CFAP46: variants seen among roughly 807,000 people sequenced by gnomAD.
The protein encoded by CFAP46 is cilia and flagella associated protein 46.
In CFAP46, 245 loss-of-function variants were observed where a neutral mutation model predicts 325.7. That is an observed-to-expected ratio of 0.75 (90% CI 0.68 to 0.84). The LOEUF (loss-of-function observed/expected upper bound fraction) is 0.84. Among genes scored for constraint, CFAP46 ranks in the 40% least tolerant of loss-of-function variants. The pLI is 0.00. For synonymous variants in CFAP46, 1,523 were observed against 1,495.9 expected (o/e 1.02, Z -0.42); for missense variants, 3,346 against 3,543.0 (o/e 0.94, Z 1.41).
intron 50 of CFAP46, among the ~76,000 whole-genome samples, chr10:132,824,718 T>TGCTGATGTGTGC: frequency 2.8e-5 from 1 of 35,652 alleles, no homozygotes; most frequent in African/African-American, 1.7e-4. Flanking sequence ...GCTGTGTGTG[T>TGCTGATGTGTGC]ACTGATGTGT....
chr10:132,857,470 T>C (rs974679045), intron 39 of CFAP46, 120 bp downstream of exon 39: 1 of 952,156 alleles, frequency 1.1e-6, no homozygotes. Flanking sequence ...GAGTATCTGA[T>C]CCCTGTTATT....
intron 36 of CFAP46, 116 bp downstream of exon 36, chr10:132,860,666 T>G (rs1848708726): frequency 1.6e-6 from 2 of 1,262,854 alleles, no homozygotes; most frequent in African/African-American, 3.0e-5. Flanking sequence ...GGGGCAGGGA[T>G]GGATCCAGGC....
chr10:132,851,819 G>A (rs538969735), intron 39 of CFAP46, among the ~76,000 whole-genome samples: 1 of 152,242 alleles, frequency 6.6e-6, no homozygotes, highest in Non-Finnish European at 1.5e-5. Flanking sequence ...CATGTGCAAG[G>A]TATCCACAGA....
chr10:132,866,311 C>T lies in CFAP46; in HGVS notation c.4744-140G>A, dbSNP rs1213535682. ...CAAGGGCTCCCTGCTGGCCTAGGCACCATGGGCGCCTCGCAAGCTCCCCGT... is the reference window on the plus strand; with the variant it reads ...CAAGGGCTCCCTGCTGGCCTAGGCATCATGGGCGCCTCGCAAGCTCCCCGT... On this transcript the variant is annotated intron_variant, in intron 34 of 57. Transcript: ENST00000368586. 7 of 922,066 alleles carry T rather than the reference C, an allele frequency of 7.6e-6. No individual in the cohort carries two copies. In the East Asian group the frequency reaches 1.6e-4, roughly 21 times the overall value. 57.1% of individuals were successfully genotyped at this position (922,066 alleles called of 1,614,324 possible).
intron 27 of CFAP46, among the ~76,000 whole-genome samples, chr10:132,881,500 C>T (rs1231981814): frequency 6.6e-6 from 1 of 152,340 alleles, no homozygotes; most frequent in East Asian, 1.9e-4. Flanking sequence ...AGAGCCCAGT[C>T]CAAGGCCTGG....
chr10:132,941,447 G>C, intron 3 of CFAP46, 144 bp downstream of exon 3: 1 of 1,122,280 alleles, frequency 8.9e-7, no homozygotes, highest in South Asian at 1.6e-5. Context: ...ACAGGAAATG[G>C]TGCAAGTTTC....
At chr10:132,839,362 G>A (rs1848315361) in intron 44 of CFAP46, among the ~76,000 whole-genome samples, 1 of 152,204 alleles carries the variant, frequency 6.6e-6, no homozygotes, top group Non-Finnish European at 1.5e-5. Context: ...TAGCTCAGGG[G>A]AACCAGGCTA....
intron 45 of CFAP46, among the ~76,000 whole-genome samples, chr10:132,836,491 C>G (rs1848249824): frequency 6.6e-6 from 1 of 152,244 alleles, no homozygotes; most frequent in African/African-American, 2.4e-5. Context: ...CGGCTGGCTC[C>G]AGGCCAGTGG....
chr10:132,853,703 C>T (rs1056605811), intron 39 of CFAP46, among the ~76,000 whole-genome samples: 5 of 149,540 alleles, frequency 3.3e-5, no homozygotes, highest in African/African-American at 1.0e-4. Flanking sequence ...ATATATAGGG[C>T]TACTCAGGCT....
chr10:132,858,671 G>A (rs1362958965), intron 38 of CFAP46, among the ~76,000 whole-genome samples: 3 of 152,162 alleles, frequency 2.0e-5, no homozygotes, highest in Non-Finnish European at 2.9e-5. Flanking sequence ...GGCTGTGCTC[G>A]GGATGTGCAC....
chr10:132,892,260 C>A, intron 25 of CFAP46, 73 bp downstream of exon 25: 1 of 1,381,520 alleles, frequency 7.2e-7, no homozygotes, highest in Non-Finnish European at 1.0e-6. Context: ...AAAAGCACCA[C>A]GTTTAAAATT....
At chr10:132,892,304 C>T in intron 25 of CFAP46, 29 bp downstream of exon 25, 4 of 1,544,638 alleles carry the variant, frequency 2.6e-6, no homozygotes, top group South Asian at 2.4e-5. Context: ...GTACCTGGAG[C>T]CTGTGGGTCT....
At chr10:132,929,391 C>T in intron 9 of CFAP46, 7 of 661,318 alleles carry the variant, frequency 1.1e-5, no homozygotes, top group Non-Finnish European at 2.0e-5. Flanking sequence ...AATAATGGGA[C>T]TGGTGGAGGA....
intron 2 of CFAP46, 99 bp from the exon 3 acceptor site, chr10:132,941,821 A>G: frequency 6.4e-7 from 1 of 1,562,080 alleles, no homozygotes; most frequent in Non-Finnish European, 8.7e-7. Context: ...CCCCCAGCAC[A>G]GGTGGAGCCT....
intron 22 of CFAP46, 94 bp from the exon 23 acceptor site, chr10:132,899,760 G>A: frequency 7.2e-7 from 1 of 1,383,096 alleles, no homozygotes; most frequent in Non-Finnish European, 9.6e-7. Flanking sequence ...GACTACACAG[G>A]TGGTATTCTA....
In CFAP46 at chr10:132,843,535, A is replaced by G. The variant is rs1295368112; in HGVS notation, c.6438+2522T>C. ...CTGGTGGGCGTTCCCAGGGTGCTGT[A>G]AGGCTCTGGTCTCGGTGGGTGTTCC... On this transcript the variant is annotated intron_variant, in intron 44 of 57. Coordinates refer to ENST00000368586, the MANE Select transcript of CFAP46 (RefSeq NM_001200049.3). Among the ~76,000 whole-genome samples the G allele has an allele frequency of 4.9e-4, 44 of 89,012 alleles. 1 individual carries two copies. The highest frequency in any genetic ancestry group is 1.2e-3 in the African/African-American group (28 of 22,422). The allele number at this position is 89,012 out of a possible 152,430, so 58.4% of individuals were successfully genotyped here.
At position 132,866,152 on chromosome 10, in the gene CFAP46, TC is replaced by T. The variant is rs1433627731; in HGVS notation, c.4762del (p.Glu1588ArgfsTer17). ...CGTCCCATCCAGGTCCCTCCCGGTC[TC>T]CCCATTCATCTTCAAAATCTGTAAG... ...AKDKILKMNG[E>X]TGRDLDGTSF... On this transcript the variant is annotated frameshift_variant, in exon 35 of 58. Coordinates refer to ENST00000368586, the MANE Select transcript of CFAP46 (RefSeq NM_001200049.3). LOFTEE classifies it high-confidence loss of function. 43 of 1,528,780 alleles carry T rather than the reference TC, an allele frequency of 2.8e-5. No homozygotes were observed. Among genetic ancestry groups the T allele is most frequent in the Non-Finnish European group, 3.6e-5 (41 of 1,137,518 alleles). 94.7% of individuals were successfully genotyped at this position (1,528,780 alleles called of 1,614,324 possible).
At chr10:132,892,548 G>A (rs1849268093) in intron 24 of CFAP46, 131 bp from the exon 25 acceptor site, 2 of 769,464 alleles carry the variant, frequency 2.6e-6, no homozygotes, top group Non-Finnish European at 4.2e-6. Context: ...ATAAGCAGCT[G>A]TAAATTAACC....
chr10:132,905,370 C>T (rs1350269702), intron 22 of CFAP46, among the ~76,000 whole-genome samples: 21 of 152,212 alleles, frequency 1.4e-4, no homozygotes, highest in Admixed American at 1.3e-3. Context: ...CAGCTCTCTC[C>T]GCACAGCGTC....
Sources: allele counts gnomAD v4.1 joint callset (sites outside exome capture counted in the v4.1 genomes callset), GRCh38; gene constraint gnomAD v4.1.1; transcripts MANE v1.5; gene names NCBI Gene and HGNC (gene_info 2026-07-23, HGNC 2026-07-21).